The following GLIS3 variants were observed in gnomAD, a reference collection of about 807,000 sequenced individuals.
GLIS3 encodes GLIS family zinc finger 3.
Under a neutral mutation model 78.6 loss-of-function variants are expected in GLIS3, and 53 were observed. That is an observed-to-expected ratio of 0.67 (90% CI 0.54 to 0.85). The LOEUF is 0.85. GLIS3 is among the 40% of genes least tolerant of loss of function. The pLI is 0.00. For synonymous variants in GLIS3, 684 were observed against 509.9 expected (o/e 1.34, Z -4.60); for missense variants, 1,703 against 1,231.1 (o/e 1.38, Z -5.74).
the GLIS3 span, among the ~76,000 whole-genome samples, chr9:4,459,840 A>C: frequency 6.6e-6 from 1 of 152,200 alleles, no homozygotes; most frequent in Non-Finnish European, 1.5e-5. Context: ...CGGGAGAAAA[A>C]GAAAGTGGAG....
At chr9:4,359,914 G>A in the GLIS3 span, among the ~76,000 whole-genome samples, 5 of 150,690 alleles carry the variant, frequency 3.3e-5, no homozygotes, top group Non-Finnish European at 7.4e-5. Context: ...ACATATAAAT[G>A]TATTTTCTGT....
chr9:3,964,881 A>C (rs1817815116), intron 4 of GLIS3, among the ~76,000 whole-genome samples: 1 of 152,206 alleles, frequency 6.6e-6, no homozygotes, highest in South Asian at 2.1e-4. Flanking sequence ...AGAGAAAAGA[A>C]ATGTTCCTGA....
At chr9:4,484,251 T>C in the GLIS3 span, among the ~76,000 whole-genome samples, 1 of 150,384 alleles carries the variant, frequency 6.6e-6, no homozygotes, top group African/African-American at 2.5e-5. Flanking sequence ...TTTTTTTATT[T>C]TTTTGAGACG....
intron 8 of GLIS3, among the ~76,000 whole-genome samples, chr9:3,876,510 G>A (rs568752479): frequency 6.7e-6 from 1 of 149,468 alleles, no homozygotes; most frequent in African/African-American, 2.5e-5. Context: ...TTGGGTTTAT[G>A]TAGGAGAATG....
chr9:4,267,855 TC>T (rs1296307925), intron 2 of GLIS3, among the ~76,000 whole-genome samples: 1 of 152,192 alleles, frequency 6.6e-6, no homozygotes, highest in African/African-American at 2.4e-5. Flanking sequence ...AGACAACGTT[TC>T]TACTAGGTAC....
chr9:3,925,736 T>A (rs912873734), intron 6 of GLIS3, among the ~76,000 whole-genome samples: 1 of 152,254 alleles, frequency 6.6e-6, no homozygotes, highest in African/African-American at 2.4e-5. Context: ...TTGTATTTGC[T>A]TTTAATTATC....
At chr9:4,268,789 G>C (rs767706660) in intron 2 of GLIS3, among the ~76,000 whole-genome samples, 4 of 152,230 alleles carry the variant, frequency 2.6e-5, no homozygotes, top group Admixed American at 2.6e-4. Context: ...CAAGGTCCCA[G>C]TACCAGCTGG....
chr9:4,209,778 C>T (rs540816550), intron 2 of GLIS3, among the ~76,000 whole-genome samples: 1 of 150,658 alleles, frequency 6.6e-6, no homozygotes, highest in South Asian at 2.1e-4. Flanking sequence ...TTAACAGCAT[C>T]CCTGTCCACT....
chr9:4,054,930 A>C (rs1826023187), intron 4 of GLIS3, among the ~76,000 whole-genome samples: 1 of 152,188 alleles, frequency 6.6e-6, no homozygotes, highest in African/African-American at 2.4e-5. Flanking sequence ...TGGTCTCCCA[A>C]GTCTTCCCAC....
At chr9:4,077,957 G>A (rs937859602) in intron 4 of GLIS3, among the ~76,000 whole-genome samples, 7 of 152,126 alleles carry the variant, frequency 4.6e-5, no homozygotes, top group African/African-American at 1.4e-4. Context: ...ATTTTATGCA[G>A]TCACTTTCTT....
chr9:4,447,899 G>C, the GLIS3 span, among the ~76,000 whole-genome samples: 1 of 152,084 alleles, frequency 6.6e-6, no homozygotes, highest in Admixed American at 6.6e-5. Context: ...GTTTGTTTCT[G>C]TCCTTTTTAA....
At chr9:4,209,101 G>T (rs528948093) in intron 2 of GLIS3, among the ~76,000 whole-genome samples, 6 of 152,098 alleles carry the variant, frequency 3.9e-5, no homozygotes, top group Admixed American at 1.3e-4. Context: ...TATAAATTAC[G>T]TAAGTCCTAA....
chr9:4,216,403 G>T (rs1314255515), intron 2 of GLIS3, among the ~76,000 whole-genome samples: 2 of 138,612 alleles, frequency 1.4e-5, no homozygotes, highest in Non-Finnish European at 3.2e-5. Flanking sequence ...AGCTTGCAGT[G>T]AGAAAGGCGG....
the GLIS3 span, among the ~76,000 whole-genome samples, chr9:4,449,468 G>C: frequency 6.6e-6 from 1 of 152,212 alleles, no homozygotes; most frequent in Non-Finnish European, 1.5e-5. Flanking sequence ...AGAGAGCAGT[G>C]GTTCTACCAG....
At chr9:4,402,772 A>T in the GLIS3 span, among the ~76,000 whole-genome samples, 5 of 152,288 alleles carry the variant, frequency 3.3e-5, no homozygotes, top group South Asian at 1.0e-3. Flanking sequence ...TTGAAAACAC[A>T]CAGAAGGGGA....
At chr9:4,383,096 T>G in the GLIS3 span, among the ~76,000 whole-genome samples, 1 of 152,342 alleles carries the variant, frequency 6.6e-6, no homozygotes, top group East Asian at 1.9e-4. Flanking sequence ...AAGGAAATGA[T>G]GCCATGACCT....
chr9:4,411,426 A>G, the GLIS3 span, among the ~76,000 whole-genome samples: 2 of 152,222 alleles, frequency 1.3e-5, no homozygotes, highest in Non-Finnish European at 2.9e-5. Flanking sequence ...GATGACCCAT[A>G]ATGTTCTTGT....
chr9:4,250,864 T>C (rs1396007013), intron 2 of GLIS3, among the ~76,000 whole-genome samples: 1 of 152,248 alleles, frequency 6.6e-6, no homozygotes, highest in African/African-American at 2.4e-5. Context: ...TTAATTTCGT[T>C]ATTTACCCAG....
upstream of GLIS3, among the ~76,000 whole-genome samples, chr9:4,350,359 C>T (rs1467247967): frequency 6.6e-6 from 1 of 152,112 alleles, no homozygotes; most frequent in Non-Finnish European, 1.5e-5. Flanking sequence ...TGCACTGGGC[C>T]ACATTTACTG....
Sources: allele counts gnomAD v4.1 joint callset (sites outside exome capture counted in the v4.1 genomes callset), GRCh38; gene constraint gnomAD v4.1.1; transcripts MANE v1.5; gene names NCBI Gene and HGNC (gene_info 2026-07-23, HGNC 2026-07-21).